Variants in EML1 observed in about 807,000 individuals in gnomAD.
EML1 encodes EMAP like 1.
In EML1, 27 loss-of-function variants were observed where a neutral mutation model predicts 110.4. The observed-to-expected ratio is 0.24, with a 90% CI of 0.18 to 0.34. The LOEUF (loss-of-function observed/expected upper bound fraction) is 0.34. Among genes scored for constraint, EML1 ranks in the 10% least tolerant of loss-of-function variants. EML1 has a pLI of 1.00. For missense variants in EML1, 741 were observed against 1,030.9 expected, an observed-to-expected ratio of 0.72 and a Z score of 3.85; for synonymous variants, 344 against 385.8, an observed-to-expected ratio of 0.89 and a Z score of 1.27.
At chr14:99,933,903 T>C (rs2060419543) in intron 17 of EML1, among the ~76,000 whole-genome samples, 1 of 152,166 alleles carries the variant, frequency 6.6e-6, no homozygotes, top group African/African-American at 2.4e-5. Flanking sequence ...GAGACCATCC[T>C]GGCCAACATG....
intron 1 of EML1, among the ~76,000 whole-genome samples, chr14:99,786,730 C>T (rs2057604831): frequency 6.6e-6 from 1 of 152,196 alleles, no homozygotes; most frequent in South Asian, 2.1e-4. Context: ...ATGGCATTTG[C>T]AGCAGGAGTG....
intron 1 of EML1, among the ~76,000 whole-genome samples, chr14:99,749,279 C>T (rs1017482602): frequency 5.3e-5 from 8 of 152,168 alleles, no homozygotes; most frequent in South Asian, 2.1e-4. Flanking sequence ...TTCCCACCTG[C>T]GGGGCATGCT....
intron 1 of EML1, among the ~76,000 whole-genome samples, chr14:99,779,598 T>C (rs780321814): frequency 2.6e-5 from 4 of 152,218 alleles, no homozygotes; most frequent in Non-Finnish European, 5.9e-5. Context: ...CTTCACTTTA[T>C]TTCCCAACCT....
At chr14:99,813,543 G>C (rs1163072107) in intron 1 of EML1, among the ~76,000 whole-genome samples, 1 of 151,908 alleles carries the variant, frequency 6.6e-6, no homozygotes, top group Non-Finnish European at 1.5e-5. Flanking sequence ...AGTGAGACCC[G>C]GTCTCTATAA....
At chr14:99,744,855 G>A (rs1394754717) in intron 1 of EML1, among the ~76,000 whole-genome samples, 2 of 152,222 alleles carry the variant, frequency 1.3e-5, no homozygotes, top group Non-Finnish European at 2.9e-5. Flanking sequence ...GAGGGTGTTG[G>A]AATGAGTAGG....
upstream of EML1, among the ~76,000 whole-genome samples, chr14:99,790,732 T>G (rs1013759866): frequency 1.8e-4 from 27 of 152,324 alleles, no homozygotes; most frequent in African/African-American, 6.5e-4. Context: ...CCATAGCACC[T>G]GCCTGCTGCC....
chr14:99,879,459 T>C (rs1244828491), intron 4 of EML1, among the ~76,000 whole-genome samples: 1 of 152,206 alleles, frequency 6.6e-6, no homozygotes, highest in Non-Finnish European at 1.5e-5. Flanking sequence ...CAAATGTTCA[T>C]GTAAGGAGAA....
intron 1 of EML1, among the ~76,000 whole-genome samples, chr14:99,830,917 G>A (rs983709054): frequency 2.0e-5 from 3 of 152,056 alleles, no homozygotes; most frequent in African/African-American, 7.2e-5. Flanking sequence ...TGTCCAGACC[G>A]GGCCCTTTGT....
intron 3 of EML1, among the ~76,000 whole-genome samples, chr14:99,868,286 T>C (rs2059135689): frequency 6.6e-6 from 1 of 152,228 alleles, no homozygotes; most frequent in African/African-American, 2.4e-5. Flanking sequence ...TCTTTTCTTG[T>C]GTCTTTGTCT....
Position 99,810,565 on chromosome 14 carries a change from C to G in EML1, c.67+17022C>G, listed in dbSNP as rs2058057754. 2.6e-5 allele frequency among the ~76,000 whole-genome samples: 4 copies of G among 152,244 alleles called. No homozygotes were observed. In the South Asian group the frequency reaches 8.3e-4, roughly 32 times the overall value. On this transcript the variant is annotated intron_variant, in intron 1 of 21. Coordinates refer to ENST00000262233, the MANE Select transcript of EML1 (RefSeq NM_004434.3). ...TTTCCTGTTCTGCGGCTTTCATAGG[C>G]CCTCTGCATTATTTGTTAAGACTCA...
intron 17 of EML1, among the ~76,000 whole-genome samples, chr14:99,929,522 G>T (rs2060327630): frequency 6.6e-6 from 1 of 152,134 alleles, no homozygotes; most frequent in African/African-American, 2.4e-5. Context: ...CCTAGCATAG[G>T]GTTTATGACG....
At chr14:99,850,216 C>A in intron 1 of EML1, 1 of 1,155,418 alleles carries the variant, frequency 8.7e-7, no homozygotes, top group Non-Finnish European at 1.2e-6. Flanking sequence ...TCTCTGTGTT[C>A]TCTGGTTGGA....
intron 15 of EML1, among the ~76,000 whole-genome samples, chr14:99,916,144 T>A (rs1394817938): frequency 1.3e-5 from 2 of 152,224 alleles, no homozygotes; most frequent in Admixed American, 6.5e-5. Context: ...AACATAAGGG[T>A]TGGAGCTCTA....
intron 1 of EML1, among the ~76,000 whole-genome samples, chr14:99,779,426 T>C (rs182111990): frequency 1.5e-4 from 23 of 152,392 alleles, no homozygotes; most frequent in Admixed American, 4.6e-4. Flanking sequence ...CTGCTGTCTG[T>C]GTTGTCTGTT....
At chr14:99,929,224 A>C (rs2140114403) in intron 17 of EML1, among the ~76,000 whole-genome samples, 2 of 152,366 alleles carry the variant, frequency 1.3e-5, no homozygotes, top group Middle Eastern at 6.8e-3. Flanking sequence ...GCCCTAAGCC[A>C]GGGCCGGGCC....
chr14:99,768,717 CTTTT>C (rs546941574), upstream of EML1, among the ~76,000 whole-genome samples: 3 of 135,770 alleles, frequency 2.2e-5, no homozygotes, highest in Non-Finnish European at 3.2e-5. Flanking sequence ...CTTCTGTGGT[CTTTT>C]TTTTTTTTTT....
At chr14:99,766,386 G>A (rs919054064) in intron 1 of EML1, among the ~76,000 whole-genome samples, 1 of 151,838 alleles carries the variant, frequency 6.6e-6, no homozygotes, top group East Asian at 1.9e-4. Context: ...TAGAGACAGG[G>A]TTTCACTATG....
rs1172931506 is a variant in EML1, at chr14:99,911,451, G to A, written c.1369G>A (p.Gly457Arg). 2.5e-6 allele frequency: 4 copies of A among 1,610,620 alleles called. No individual in the cohort carries two copies. The South Asian group carries it at 4.4e-5, about 18-fold the overall frequency. Reference sequence around the variant, plus strand: ...AAATCGAATAAGCTATGCAGTTCAGGGGGCCCATGAGGGTGGCATTTTTGC... The same window carrying A: ...AAATCGAATAAGCTATGCAGTTCAGAGGGCCCATGAGGGTGGCATTTTTGC... Reference protein sequence around the residue: ...GTNRISYAVQGAHEGGIFALC... With the variant: ...GTNRISYAVQRAHEGGIFALC... Residue 457 changes from glycine to arginine, a missense_variant, in exon 13 of 22, where the codon GGG becomes AGG. Coordinates refer to ENST00000262233, the MANE Select transcript of EML1 (RefSeq NM_004434.3).
At position 99,911,594 on chromosome 14, in the gene EML1, C is replaced by T. The variant is rs2059947857; in HGVS notation, c.1494+18C>T. 2 of 1,605,192 alleles carry T rather than the reference C, an allele frequency of 1.2e-6. No homozygotes were observed. Among genetic ancestry groups the T allele is most frequent in the Admixed American group, 1.8e-5 (1 of 56,724 alleles). On this transcript the variant is annotated intron_variant, in intron 13 of 21. Transcript: ENST00000262233. ...AAACGGAGGTAAGTCATCAAGGCTACTGCTAAAATTTGTTTTTAACCTTAA... is the reference window on the plus strand; with the variant it reads ...AAACGGAGGTAAGTCATCAAGGCTATTGCTAAAATTTGTTTTTAACCTTAA...
Sources: allele counts gnomAD v4.1 joint callset (sites outside exome capture counted in the v4.1 genomes callset), GRCh38; gene constraint gnomAD v4.1.1; transcripts MANE v1.5; gene names NCBI Gene and HGNC (gene_info 2026-07-23, HGNC 2026-07-21).